COL27A1: variants seen among roughly 807,000 people sequenced by gnomAD.
COL27A1 encodes the protein collagen alpha-1(XXVII) chain.
Under a neutral mutation model 251.3 loss-of-function variants are expected in COL27A1, and 106 were observed. The observed-to-expected ratio is 0.42, with a 90% CI of 0.36 to 0.50. The LOEUF is 0.50. Among genes scored for constraint, COL27A1 ranks in the 20% least tolerant of loss-of-function variants. The pLI is 0.00. For synonymous variants in COL27A1, 1,000 were observed against 986.3 expected (o/e 1.01, Z -0.26); for missense variants, 2,325 against 2,522.8 (o/e 0.92, Z 1.68).
rs539738813 is a variant in COL27A1, at chr9:114,169,263, G to A, written c.1708G>A (p.Asp570Asn). 1.4e-5 allele frequency: 23 copies of A among 1,612,758 alleles called. No individual in the cohort carries two copies. Among genetic ancestry groups the A allele is most frequent in the Non-Finnish European group, 1.8e-5 (21 of 1,179,342 alleles). The part of the protein sequence containing the change: ...GKAARDVPLS[D>N]LTTRPSPRQP... ...GGCAGCCAGGGATGTCCCCTTGAGC[G>A]ATCTGACAACCAGGCCTAGCCCCAG... Residue 570 changes from aspartate to asparagine, a missense_variant, in exon 3 of 61, where the codon GAT (aspartate) becomes AAT (asparagine). By Grantham distance (23) the Asp-to-Asn change is conservative. This residue lies in a region of COL27A1 where 1,183 missense variants were observed against 1,144.1 expected (regional missense o/e 1.03). Transcript: ENST00000356083.
intron 37 of COL27A1, among the ~76,000 whole-genome samples, chr9:114,280,879 G>A (rs968361396): frequency 3.3e-5 from 5 of 152,136 alleles, no homozygotes; most frequent in African/African-American, 4.8e-5. Context: ...AAAGCCAGCC[G>A]CCCCATAATT....
intron 36 of COL27A1, chr9:114,273,339 C>T (rs1211249995): frequency 6.6e-6 from 1 of 152,306 alleles, no homozygotes; most frequent in African/African-American, 2.4e-5. Context: ...GATCCGGGCA[C>T]AACTTTGTGC....
intron 27 of COL27A1, among the ~76,000 whole-genome samples, chr9:114,253,408 C>CAG (rs10652862): frequency 0.48 from 62,805 of 131,686 alleles, 14,526 homozygotes; most frequent in East Asian, 0.77. Context: ...GGAAAAAAGA[C>CAG]AGAAAGAAGA....
chr9:114,184,448 T>C (rs1828173036), intron 5 of COL27A1, among the ~76,000 whole-genome samples: 1 of 152,222 alleles, frequency 6.6e-6, no homozygotes, highest in African/African-American at 2.4e-5. Context: ...TGTCAGAGTC[T>C]TGGGGCAGAG....
intron 16 of COL27A1, among the ~76,000 whole-genome samples, chr9:114,232,362 A>G (rs1832026168): frequency 6.6e-6 from 1 of 152,124 alleles, no homozygotes; most frequent in Admixed American, 6.5e-5. Flanking sequence ...TATCCTCTGT[A>G]CAGCCCTGCT....
intron 4 of COL27A1, among the ~76,000 whole-genome samples, chr9:114,179,709 A>G (rs530781972): frequency 1.3e-5 from 2 of 152,180 alleles, no homozygotes; most frequent in East Asian, 1.9e-4. Flanking sequence ...GTTTCAATCT[A>G]TTCCCATTTT....
Position 114,290,150 on chromosome 9 carries a change from G to GGCCCCCCCCCCCCCCCCC in COL27A1, c.4260+39_4260+40insGCCCCCCCCCCCCCCCCC. The GGCCCCCCCCCCCCCCCCC allele has an allele frequency of 6.3e-7, 1 of 1,593,550 alleles. No homozygotes were observed. On this transcript the variant is annotated intron_variant, in intron 46 of 60. Coordinates refer to ENST00000356083, the MANE Select transcript of COL27A1 (RefSeq NM_032888.4). The surrounding 1 kb of genome is among the most constrained non-coding windows in gnomAD (Gnocchi z 4.6). Reference sequence around the variant, plus strand: ...GCTGCTGTTTCCAGCCAACCTCCCTGCCCGCCCCCCACACCCGCCCTCCTC... The same window carrying GGCCCCCCCCCCCCCCCCC: ...GCTGCTGTTTCCAGCCAACCTCCCTGGCCCCCCCCCCCCCCCCCCCCGCCCCCCACACCCGCCCTCCTC...
intron 3 of COL27A1, among the ~76,000 whole-genome samples, chr9:114,173,653 G>T (rs1849480558): frequency 6.6e-6 from 1 of 152,162 alleles, no homozygotes; most frequent in East Asian, 1.9e-4. Flanking sequence ...ATGGGGATAC[G>T]GTGCCACCTA....
At chr9:114,249,256 A>C (rs1383187111) in intron 24 of COL27A1, among the ~76,000 whole-genome samples, 1 of 152,236 alleles carries the variant, frequency 6.6e-6, no homozygotes, top group Admixed American at 6.5e-5. Flanking sequence ...TTAATTTTTA[A>C]AAATAAGTTG....
chr9:114,215,484 C>T (rs1830657903), intron 12 of COL27A1, among the ~76,000 whole-genome samples: 1 of 152,122 alleles, frequency 6.6e-6, no homozygotes, highest in African/African-American at 2.4e-5. Flanking sequence ...TTCTCCTTGT[C>T]CCCTGAGGCG....
intron 1 of COL27A1, among the ~76,000 whole-genome samples, chr9:114,159,020 G>A (rs2135000318): frequency 6.6e-6 from 1 of 152,284 alleles, no homozygotes; most frequent in Admixed American, 6.5e-5. Context: ...ATCTTAAATG[G>A]CCTTCTTCCA....
intron 21 of COL27A1, 62 bp from the exon 22 acceptor site, chr9:114,242,125 C>A: frequency 1.4e-6 from 2 of 1,425,096 alleles, no homozygotes; most frequent in South Asian, 1.4e-5. Context: ...AGGACAAGAT[C>A]TCTGCAAGTC....
intron 28 of COL27A1, among the ~76,000 whole-genome samples, chr9:114,263,561 G>A (rs940994658): frequency 2.6e-5 from 4 of 152,174 alleles, no homozygotes; most frequent in South Asian, 4.1e-4. Context: ...GCAGTGGGTG[G>A]AGCCCACATG....
At chr9:114,264,024 T>C (rs960927210) in intron 28 of COL27A1, among the ~76,000 whole-genome samples, 8 of 152,184 alleles carry the variant, frequency 5.3e-5, no homozygotes, top group African/African-American at 1.9e-4. Context: ...CACGTGTAAC[T>C]CAATTGCGGC....
Position 114,168,476 on chromosome 9 carries a change from C to G in COL27A1, c.921C>G (p.Asn307Lys). ...AGCCCCAAAGGACTAGCCCCACAAA[C>G]CCTCACCAGCATATGGCGGTGGGAG... The part of the protein sequence containing the change: ...PTKPQRTSPT[N>K]PHQHMAVGGP... Residue 307 changes from asparagine to lysine, a missense_variant, in exon 3 of 61, where the codon AAC (asparagine) becomes AAG (lysine). Coordinates refer to ENST00000356083, the MANE Select transcript of COL27A1 (RefSeq NM_032888.4). The G allele has an allele frequency of 6.2e-7, 1 of 1,614,028 alleles. No homozygotes were observed. Among genetic ancestry groups the G allele is most frequent in the Non-Finnish European group, 8.5e-7 (1 of 1,179,940 alleles).
At chr9:114,201,224 C>T (rs981882882) in intron 7 of COL27A1, among the ~76,000 whole-genome samples, 3 of 152,250 alleles carry the variant, frequency 2.0e-5, no homozygotes, top group African/African-American at 7.2e-5. Context: ...CTCCCCGAAA[C>T]ATTCCCTCTC....
chr9:114,186,220 G>A (rs1828327667), intron 5 of COL27A1, among the ~76,000 whole-genome samples: 1 of 152,252 alleles, frequency 6.6e-6, no homozygotes. Context: ...CAGCAGGGAA[G>A]GGAGCTTGTC....
At chr9:114,226,507 T>G (rs117750083) in intron 14 of COL27A1, among the ~76,000 whole-genome samples, 1 of 152,220 alleles carries the variant, frequency 6.6e-6, no homozygotes, top group East Asian at 1.9e-4. Flanking sequence ...TCCACTGTTG[T>G]ACTATATCCC....
chr9:114,232,568 G>A (rs1272933202), intron 16 of COL27A1, among the ~76,000 whole-genome samples: 2 of 152,224 alleles, frequency 1.3e-5, no homozygotes. Flanking sequence ...GTGCAGGAGG[G>A]GTTCAGAGCA....
Sources: gnomAD v4.1 joint callset for allele counts (sites outside exome capture counted in the v4.1 genomes callset) on GRCh38, gnomAD v4.1.1 for gene constraint, gnomAD v4.1.1 regional missense constraint, Gnocchi (gnomAD v3.1) non-coding constraint, MANE v1.5 for transcripts, NCBI Gene and HGNC (gene_info 2026-07-23, HGNC 2026-07-21) for gene names.